The following ERBB4 variants were observed in gnomAD, a reference collection of about 807,000 sequenced individuals.
The protein encoded by ERBB4 is erb-b2 receptor tyrosine kinase 4.
In ERBB4, 42 loss-of-function variants were observed where a neutral mutation model predicts 158.0. The ratio of observed to expected loss-of-function variants is 0.27; its 90% CI spans 0.21 to 0.34. The LOEUF is 0.34. ERBB4 is among the 10% of genes least tolerant of loss of function. The probability of loss-of-function intolerance (pLI) is 1.00; values close to 1 mark genes in which losing one functional copy is unlikely to be tolerated. For missense variants in ERBB4, 1,333 were observed against 1,624.1 expected (o/e 0.82, Z 3.08); for synonymous variants, 583 against 558.7 (o/e 1.04, Z -0.61).
At chr2:211,833,754 C>A (rs577479712) in intron 3 of ERBB4, among the ~76,000 whole-genome samples, 1 of 151,858 alleles carries the variant, frequency 6.6e-6, no homozygotes, top group Non-Finnish European at 1.5e-5. Flanking sequence ...TAACATGGCT[C>A]AGGTTTCCAC....
At chr2:212,122,131 C>T (rs2079771685) in intron 2 of ERBB4, among the ~76,000 whole-genome samples, 1 of 151,426 alleles carries the variant, frequency 6.6e-6, no homozygotes, top group African/African-American at 2.4e-5. Context: ...CATAATTTAT[C>T]ATATATGTAT....
At chr2:211,477,801 A>G (rs1478918684) in intron 20 of ERBB4, among the ~76,000 whole-genome samples, 5 of 152,164 alleles carry the variant, frequency 3.3e-5, no homozygotes, top group Non-Finnish European at 7.4e-5. Context: ...GTAACTTATT[A>G]TTGCATAACA....
chr2:211,424,936 T>C (rs2063593222), intron 22 of ERBB4, among the ~76,000 whole-genome samples: 2 of 152,158 alleles, frequency 1.3e-5, no homozygotes, highest in Admixed American at 6.6e-5. Flanking sequence ...AGAAAGTAGT[T>C]TATTTTTTAG....
At chr2:211,640,145 T>C (rs894686703) in intron 16 of ERBB4, among the ~76,000 whole-genome samples, 9 of 152,202 alleles carry the variant, frequency 5.9e-5, no homozygotes, top group Non-Finnish European at 1.2e-4. Context: ...CCTTGTTTTA[T>C]ACTGAAAGAA....
intron 1 of ERBB4, among the ~76,000 whole-genome samples, chr2:212,495,119 T>C (rs755866769): frequency 6.6e-6 from 1 of 152,202 alleles, no homozygotes; most frequent in Non-Finnish European, 1.5e-5. Flanking sequence ...GGAAGGAGAT[T>C]CTAGCCCATG....
chr2:212,136,995 TATAAA>T (rs2080291854), intron 1 of ERBB4, among the ~76,000 whole-genome samples: 1 of 151,978 alleles, frequency 6.6e-6, no homozygotes, highest in South Asian at 2.1e-4. Context: ...TAGACTAGAT[TATAAA>T]ATATATTATT....
intron 1 of ERBB4, among the ~76,000 whole-genome samples, chr2:212,474,296 T>G (rs1350858250): frequency 6.6e-6 from 1 of 152,062 alleles, no homozygotes; most frequent in African/African-American, 2.4e-5. Context: ...ATTGAAACAT[T>G]TTAATATAGG....
At chr2:212,380,689 C>A (rs558641456) in intron 1 of ERBB4, among the ~76,000 whole-genome samples, 3 of 150,406 alleles carry the variant, frequency 2.0e-5, no homozygotes, top group South Asian at 2.1e-4. Flanking sequence ...TATTTTCTCA[C>A]GAGAATTTAG....
rs1050947966 is a variant in ERBB4 at position 211,392,580 on chromosome 2, A to G, written c.3136-4588T>C. Among the ~76,000 whole-genome samples the G allele has an allele frequency of 1.6e-3, 236 of 151,172 alleles. 2 individuals carry two copies. Among genetic ancestry groups the G allele is most frequent in the South Asian group, 0.015 (72 of 4,770 alleles). The stretch of plus-strand genomic sequence containing the variant: ...ACTCCACACACACACACACACACAC[A>G]CACACACACACACACACACACCCCA... On this transcript the variant is annotated intron_variant, in intron 25 of 27. Coordinates refer to ENST00000342788, the MANE Select transcript of ERBB4 (RefSeq NM_005235.3).
chr2:211,710,142 C>A (rs1413452996), intron 9 of ERBB4, among the ~76,000 whole-genome samples: 1 of 151,940 alleles, frequency 6.6e-6, no homozygotes, highest in African/African-American at 2.4e-5. Flanking sequence ...TGAAAAGTGG[C>A]AATTTTTTAA....
rs1248341351 is a variant in ERBB4 at position 211,622,348 on chromosome 2, G to A, written c.2202+1574C>T. Among the ~76,000 whole-genome samples the A allele has an allele frequency of 2.0e-5, 3 of 152,066 alleles. No homozygotes were observed. In the East Asian group the frequency reaches 5.8e-4, roughly 29 times the overall value. ...TGAGAAAAGGCATCAAGTCAGCCTA[G>A]AACAGTGCCTATGCAAAGTAGGTAC... On this transcript the variant is annotated intron_variant, in intron 18 of 27. Coordinates refer to ENST00000342788, the MANE Select transcript of ERBB4 (RefSeq NM_005235.3).
chr2:212,392,920 G>C (rs911115709), intron 1 of ERBB4, among the ~76,000 whole-genome samples: 1 of 152,014 alleles, frequency 6.6e-6, no homozygotes, highest in Non-Finnish European at 1.5e-5. Context: ...TTTTCTGCTT[G>C]TGCCACTTTT....
chr2:211,487,885 A>G (rs2065245944), intron 20 of ERBB4, among the ~76,000 whole-genome samples: 1 of 152,076 alleles, frequency 6.6e-6, no homozygotes, highest in Non-Finnish European at 1.5e-5. Context: ...TGTGTTGGAC[A>G]CTGAAGGCCT....
intron 5 of ERBB4, among the ~76,000 whole-genome samples, chr2:211,739,000 T>A (rs1225728515): frequency 6.6e-6 from 1 of 152,186 alleles, no homozygotes; most frequent in Non-Finnish European, 1.5e-5. Flanking sequence ...AAAAAGGCAG[T>A]CATCATTCTG....
intron 5 of ERBB4, among the ~76,000 whole-genome samples, chr2:211,732,225 G>A (rs2074446866): frequency 6.6e-6 from 1 of 152,068 alleles, no homozygotes; most frequent in Non-Finnish European, 1.5e-5. Flanking sequence ...TTGCCTCACA[G>A]AGGAAGGCTT....
chr2:211,669,247 A>C (rs902775457), intron 14 of ERBB4, among the ~76,000 whole-genome samples: 44 of 149,140 alleles, frequency 3.0e-4, no homozygotes, highest in South Asian at 6.3e-4. Flanking sequence ...AAGAAAAAAG[A>C]AAAAAGCAAA....
At chr2:212,452,166 A>G (rs2106026764) in intron 1 of ERBB4, among the ~76,000 whole-genome samples, 2 of 152,258 alleles carry the variant, frequency 1.3e-5, no homozygotes, top group East Asian at 3.9e-4. Flanking sequence ...TAACTTACCA[A>G]GGTTCTTTAA....
chr2:211,461,497 C>A (rs1309787479), intron 20 of ERBB4, among the ~76,000 whole-genome samples: 1 of 151,982 alleles, frequency 6.6e-6, no homozygotes, highest in Non-Finnish European at 1.5e-5. Flanking sequence ...TTGTAGTATG[C>A]AGAAGGGTTG....
chr2:212,165,565 T>C (rs2081323025), intron 1 of ERBB4, among the ~76,000 whole-genome samples: 1 of 152,024 alleles, frequency 6.6e-6, no homozygotes, highest in Non-Finnish European at 1.5e-5. Context: ...GAAAGCTTTT[T>C]TCTTTTCTTT....
Sources: gnomAD v4.1 joint callset for allele counts (sites outside exome capture counted in the v4.1 genomes callset) on GRCh38, gnomAD v4.1.1 for gene constraint, MANE v1.5 for transcripts, NCBI Gene and HGNC (gene_info 2026-07-23, HGNC 2026-07-21) for gene names.